The following GDPD4 variants were observed in gnomAD, a reference collection of about 807,000 sequenced individuals.
GDPD4 encodes the protein glycerophosphodiester phosphodiesterase domain containing 4, also known as glycerophosphodiester phosphodiesterase 6.
In GDPD4, 60 loss-of-function variants were observed where a neutral mutation model predicts 67.8. That is an observed-to-expected ratio of 0.88 (90% CI 0.72 to 1.10). The LOEUF (loss-of-function observed/expected upper bound fraction) is 1.10, where lower values mean the gene tolerates loss of function less well. Ranked by LOEUF, GDPD4 falls within the 50% of genes least tolerant of loss-of-function variation. GDPD4 has a pLI of 0.00. For missense variants in GDPD4, 623 were observed against 613.9 expected (o/e 1.01, Z -0.16); for synonymous variants, 212 against 210.9 (o/e 1.00, Z -0.04).
rs1352846391 is a variant in GDPD4, at chr11:77,271,222, A to G, written c.308T>C (p.Ile103Thr). 6.2e-7 allele frequency: 1 copy of G among 1,613,322 alleles called. No homozygotes were observed. Among genetic ancestry groups the G allele is most frequent in the Non-Finnish European group, 8.5e-7 (1 of 1,179,628 alleles). Residue 103 changes from isoleucine to threonine, a missense_variant and splice_region_variant, in exon 7 of 17, where the codon ATC (isoleucine) becomes ACC (threonine). Coordinates refer to ENST00000315938, the MANE Select transcript of GDPD4 (RefSeq NM_182833.3). ...RWLVAGLSMQIFAPYVHLVSI... is the reference protein window; with the variant it reads ...RWLVAGLSMQTFAPYVHLVSI... The stretch of plus-strand genomic sequence containing the variant: ...GACCAGGTGCACGTAGGGAGCAAAG[A>G]TCTGTGAGAAAGCCAAAAGTCAGGC...
intron 16 of GDPD4, chr11:77,224,249 A>G (rs1293229735): frequency 1.3e-5 from 2 of 152,376 alleles, no homozygotes; most frequent in African/African-American, 4.8e-5. Flanking sequence ...TCAGTTGGAA[A>G]TGCAGAAATC....
intron 10 of GDPD4, among the ~76,000 whole-genome samples, chr11:77,262,499 A>G (rs1396220223): frequency 6.6e-6 from 1 of 152,186 alleles, no homozygotes; most frequent in Non-Finnish European, 1.5e-5. Flanking sequence ...ATCATTTGAC[A>G]TTGACCATTT....
intron 11 of GDPD4, among the ~76,000 whole-genome samples, chr11:77,247,468 G>C (rs924828979): frequency 6.6e-6 from 1 of 152,136 alleles, no homozygotes; most frequent in South Asian, 2.1e-4. Context: ...TATTATGGGG[G>C]TAGGCCTAAC....
intron 10 of GDPD4, among the ~76,000 whole-genome samples, chr11:77,264,477 A>G (rs1021401930): frequency 1.2e-4 from 18 of 152,308 alleles, no homozygotes; most frequent in African/African-American, 4.3e-4. Flanking sequence ...CAGCAAAAGA[A>G]GTCACATAGG....
At chr11:77,239,957 C>T (rs1460369559) in intron 13 of GDPD4, among the ~76,000 whole-genome samples, 1 of 114,990 alleles carries the variant, frequency 8.7e-6, no homozygotes, top group Non-Finnish European at 2.2e-5. Context: ...GCAAGACTGC[C>T]TCAGAAAAAA....
At chr11:77,296,628 T>C (rs1288439148) in intron 1 of GDPD4, among the ~76,000 whole-genome samples, 1 of 151,880 alleles carries the variant, frequency 6.6e-6, no homozygotes, top group Non-Finnish European at 1.5e-5. Flanking sequence ...GCCAGATGTA[T>C]AGATCTTGAT....
At chr11:77,274,811 T>C (rs765009056) in intron 5 of GDPD4, among the ~76,000 whole-genome samples, 2 of 152,160 alleles carry the variant, frequency 1.3e-5, no homozygotes, top group African/African-American at 2.4e-5. Context: ...ATGCCTGATG[T>C]TCTCACTCAT....
intron 16 of GDPD4, among the ~76,000 whole-genome samples, chr11:77,221,980 G>GATCCCTTTACCATTACA (rs1252922521): frequency 2.0e-5 from 3 of 150,308 alleles, no homozygotes; most frequent in Non-Finnish European, 1.5e-5. Flanking sequence ...TTACCATTAT[G>GATCCCTTTACCATTACA]TAATGGCCTT....
Position 77,269,932 on chromosome 11 carries a change from A to G in GDPD4, c.429T>C (p.His143=), listed in dbSNP as rs757785207. Residue 143 remains histidine (H), a synonymous_variant, in exon 8 of 17, where the codon CAT becomes CAC. Coordinates refer to ENST00000315938, the MANE Select transcript of GDPD4 (RefSeq NM_182833.3). ...ATTGCTTGAGTCTTTTTTTCTCAGA[A>G]TGTGTCATCCTGTATCTTCTCATTC... is the stretch of plus-strand genomic sequence containing the variant. ...EVRMRRYRMT[H]SEKKRLKQCN... 5 of 1,582,544 alleles carry G rather than the reference A, an allele frequency of 3.2e-6. No homozygotes were observed. Among genetic ancestry groups the G allele is most frequent in the Non-Finnish European group, 4.3e-6 (5 of 1,152,940 alleles).
At chr11:77,293,181 A>G (rs1937839220) in intron 1 of GDPD4, among the ~76,000 whole-genome samples, 1 of 152,224 alleles carries the variant, frequency 6.6e-6, no homozygotes, top group Admixed American at 6.5e-5. Flanking sequence ...ATATCCTGAA[A>G]AAAGTACAAA....
At chr11:77,290,555 T>A (rs530625341) in intron 1 of GDPD4, among the ~76,000 whole-genome samples, 1 of 151,994 alleles carries the variant, frequency 6.6e-6, no homozygotes, top group Non-Finnish European at 1.5e-5. Flanking sequence ...GAAAAAAAAA[T>A]TATTGAAACA....
At position 77,258,410 on chromosome 11, in the gene GDPD4, T is replaced by C. The variant is rs1220372978; in HGVS notation, c.840A>G (p.Ala280=). 2 of 1,614,186 alleles carry C rather than the reference T, an allele frequency of 1.2e-6. No individual in the cohort carries two copies. The highest frequency in any genetic ancestry group is 1.7e-5 in the Admixed American group (1 of 60,026). ...FNWDFLSTLN[A]GKWFVKPELR... is the part of the protein sequence containing the mutation. ...CCTCTGGTTTTACAAACCATTTGCCTGCATTCAGAGTCGATAGGAAATCCC... is the reference window on the plus strand; with the variant it reads ...CCTCTGGTTTTACAAACCATTTGCCCGCATTCAGAGTCGATAGGAAATCCC... Residue 280 remains alanine (A), a synonymous_variant, in exon 11 of 17, where the codon GCA becomes GCG. Coordinates refer to ENST00000315938, the MANE Select transcript of GDPD4 (RefSeq NM_182833.3).
chr11:77,258,610 T>G, intron 10 of GDPD4, 68 bp from the exon 11 acceptor site: 2 of 1,469,472 alleles, frequency 1.4e-6, no homozygotes, highest in South Asian at 2.3e-5. Flanking sequence ...GTAGACAGGC[T>G]CCCCAGACAG....
At chr11:77,226,652 A>G (rs1958344482) in intron 16 of GDPD4, among the ~76,000 whole-genome samples, 1 of 152,166 alleles carries the variant, frequency 6.6e-6, no homozygotes, top group African/African-American at 2.4e-5. Context: ...CTTACTAAGG[A>G]ACAACTACTG....
At chr11:77,252,300 GTGA>G (rs2135852754) in intron 11 of GDPD4, among the ~76,000 whole-genome samples, 1 of 152,016 alleles carries the variant, frequency 6.6e-6, no homozygotes, top group East Asian at 1.9e-4. Context: ...CTGACCTCAG[GTGA>G]TCCAGCCGCC....
intron 11 of GDPD4, among the ~76,000 whole-genome samples, chr11:77,257,193 T>C (rs1263288766): frequency 1.3e-5 from 2 of 152,214 alleles, no homozygotes; most frequent in African/African-American, 2.4e-5. Context: ...TATGGATGCA[T>C]GCTATCTATC....
intron 16 of GDPD4, among the ~76,000 whole-genome samples, chr11:77,218,207 T>C (rs553032330): frequency 6.6e-6 from 1 of 151,910 alleles, no homozygotes; most frequent in African/African-American, 2.4e-5. Context: ...TTCATGAACA[T>C]GATTGCTCCA....
chr11:77,274,488 C>T (rs374965911), intron 5 of GDPD4, among the ~76,000 whole-genome samples: 8 of 152,176 alleles, frequency 5.3e-5, no homozygotes, highest in African/African-American at 1.9e-4. Context: ...TTTAAAAGGG[C>T]CTGGCACCTC....
intron 4 of GDPD4, 21 bp from the exon 5 acceptor site, chr11:77,276,241 AAG>A (rs1959462317): frequency 2.5e-6 from 4 of 1,607,266 alleles, no homozygotes; most frequent in Non-Finnish European, 3.4e-6. Flanking sequence ...AAAGAAGAAA[AAG>A]AGAGTTATTT....
Sources: gnomAD v4.1 joint callset for allele counts (sites outside exome capture counted in the v4.1 genomes callset) on GRCh38, gnomAD v4.1.1 for gene constraint, MANE v1.5 for transcripts, NCBI Gene and HGNC (gene_info 2026-07-23, HGNC 2026-07-21) for gene names.